Variants in MACROD2 observed in about 807,000 individuals in gnomAD.
MACROD2 encodes mono-ADP ribosylhydrolase 2.
Under a neutral mutation model 70.4 loss-of-function variants are expected in MACROD2, and 36 were observed. That is an observed-to-expected ratio of 0.51 (90% CI 0.39 to 0.68). MACROD2 has a LOEUF of 0.68. MACROD2 is among the 30% of genes least tolerant of loss of function. The pLI is 0.00. For synonymous variants in MACROD2, 172 were observed against 178.8 expected, an observed-to-expected ratio of 0.96 and a Z score of 0.30; for missense variants, 496 against 538.4, an observed-to-expected ratio of 0.92 and a Z score of 0.78.
At chr20:15,149,623 T>G (rs459800) in intron 5 of MACROD2, among the ~76,000 whole-genome samples, 2 of 151,796 alleles carry the variant, frequency 1.3e-5, no homozygotes, top group Admixed American at 6.5e-5. Context: ...TTGGAAGTTA[T>G]GAGAGCTGTA....
At chr20:15,094,623 T>C in intron 5 of MACROD2, among the ~76,000 whole-genome samples, 1 of 152,170 alleles carries the variant, frequency 6.6e-6, no homozygotes, top group Non-Finnish European at 1.5e-5. Flanking sequence ...TTTTGTTTTG[T>C]TTTTCCTTTC....
intron 4 of MACROD2, among the ~76,000 whole-genome samples, chr20:14,598,074 A>G (rs2123396816): frequency 6.6e-6 from 1 of 152,206 alleles, no homozygotes; most frequent in Non-Finnish European, 1.5e-5. Context: ...GTTTATTTTA[A>G]TTAGAGTTTA....
chr20:15,454,958 T>G (rs2046702016), intron 7 of MACROD2, among the ~76,000 whole-genome samples: 1 of 152,136 alleles, frequency 6.6e-6, no homozygotes, highest in South Asian at 2.1e-4. Context: ...TGGTGTATAT[T>G]AACCCCTTTA....
intron 8 of MACROD2, among the ~76,000 whole-genome samples, chr20:15,806,379 C>T (rs1329475602): frequency 6.6e-6 from 1 of 152,200 alleles, no homozygotes; most frequent in Non-Finnish European, 1.5e-5. Context: ...ACACTTTCAC[C>T]AGTCCTCACT....
intron 3 of MACROD2, among the ~76,000 whole-genome samples, chr20:14,476,991 TCAGGTACCAC>T (rs1042068005): frequency 7.9e-5 from 12 of 152,154 alleles, no homozygotes; most frequent in African/African-American, 2.2e-4. Flanking sequence ...TGTCAGTCTC[TCAGGTACCAC>T]AGAGGAAGTA....
intron 11 of MACROD2, among the ~76,000 whole-genome samples, chr20:15,935,850 G>T (rs1260689091): frequency 3.9e-5 from 6 of 152,112 alleles, no homozygotes; most frequent in Non-Finnish European, 2.9e-5. Context: ...TAAATGCTTT[G>T]CTGAGAAATA....
intron 6 of MACROD2, among the ~76,000 whole-genome samples, chr20:15,260,388 T>C (rs1459715796): frequency 6.6e-6 from 1 of 151,854 alleles, no homozygotes; most frequent in Non-Finnish European, 1.5e-5. Context: ...CCATGCAATG[T>C]TTTTCTTTCT....
intron 8 of MACROD2, among the ~76,000 whole-genome samples, chr20:15,851,055 G>A (rs2147146950): frequency 6.6e-6 from 1 of 152,132 alleles, no homozygotes; most frequent in Middle Eastern, 3.4e-3. Flanking sequence ...TGGAAAAAAT[G>A]GGCATGGGAA....
chr20:14,044,517 T>G (rs967192994), intron 2 of MACROD2, among the ~76,000 whole-genome samples: 3 of 152,084 alleles, frequency 2.0e-5, no homozygotes, highest in African/African-American at 7.2e-5. Flanking sequence ...TACAGAGAGC[T>G]GATTGGTGTG....
At chr20:15,910,621 G>A (rs1474754226) in intron 10 of MACROD2, among the ~76,000 whole-genome samples, 1 of 152,114 alleles carries the variant, frequency 6.6e-6, no homozygotes, top group Admixed American at 6.6e-5. Context: ...ACTTTCTGAC[G>A]ATGGTCACAA....
intron 8 of MACROD2, among the ~76,000 whole-genome samples, chr20:15,798,904 T>C (rs2063699157): frequency 6.6e-6 from 1 of 152,214 alleles, no homozygotes; most frequent in African/African-American, 2.4e-5. Flanking sequence ...CAGTATTGAT[T>C]TTTTATTTCA....
intron 5 of MACROD2, among the ~76,000 whole-genome samples, chr20:15,144,837 T>C (rs2076218836): frequency 6.6e-6 from 1 of 152,198 alleles, no homozygotes; most frequent in Non-Finnish European, 1.5e-5. Context: ...AGTGGTTCTA[T>C]ATTCTGTTCT....
chr20:14,656,395 C>A (rs140201047), intron 4 of MACROD2, among the ~76,000 whole-genome samples: 1 of 152,210 alleles, frequency 6.6e-6, no homozygotes, highest in African/African-American at 2.4e-5. Context: ...AAAGCACAAC[C>A]TGAACTGTTC....
intron 3 of MACROD2, among the ~76,000 whole-genome samples, chr20:14,438,688 A>T (rs1444463990): frequency 6.6e-6 from 1 of 152,134 alleles, no homozygotes; most frequent in Non-Finnish European, 1.5e-5. Context: ...TTCATGTACC[A>T]GTTAGCCATT....
intron 2 of MACROD2, among the ~76,000 whole-genome samples, chr20:14,042,698 C>T (rs1303136798): frequency 6.6e-6 from 1 of 152,122 alleles, no homozygotes; most frequent in African/African-American, 2.4e-5. Context: ...TGGGGTTTCA[C>T]CGTGTTGGCC....
At chr20:15,341,248 CT>C (rs961510338) in intron 6 of MACROD2, among the ~76,000 whole-genome samples, 18 of 151,978 alleles carry the variant, frequency 1.2e-4, no homozygotes, top group East Asian at 5.8e-4. Context: ...CTCTTTGTAA[CT>C]TTTTTTTATT....
rs144263889 is a variant in MACROD2 at position 15,766,456 on chromosome 20, CT to C, written c.646-96282del. On this transcript the variant is annotated intron_variant, in intron 8 of 17. Transcript: ENST00000684519. ...GTCAAATTTTTAAAACTCAAGTAAA[CT>C]TTTTTTCCTTCTTCAAACAAGTCTC... Among the ~76,000 whole-genome samples the C allele has an allele frequency of 2.0e-5, 3 of 152,248 alleles. No homozygotes were observed. In the South Asian group the frequency reaches 6.2e-4, roughly 32 times the overall value.
intron 2 of MACROD2, among the ~76,000 whole-genome samples, chr20:14,046,364 A>G (rs11905038): frequency 7.8e-4 from 119 of 152,288 alleles, no homozygotes; most frequent in African/African-American, 2.7e-3. Flanking sequence ...TTTGAAATAG[A>G]TTTTTCAGAC....
chr20:15,295,655 G>A (rs2077580622), intron 6 of MACROD2, among the ~76,000 whole-genome samples: 1 of 147,110 alleles, frequency 6.8e-6, no homozygotes, highest in Non-Finnish European at 1.5e-5. Context: ...CCTTAAGTGT[G>A]TCTTATACAT....
Sources: allele counts gnomAD v4.1 joint callset (sites outside exome capture counted in the v4.1 genomes callset), GRCh38; gene constraint gnomAD v4.1.1; transcripts MANE v1.5; gene names NCBI Gene and HGNC (gene_info 2026-07-23, HGNC 2026-07-21).